SOX6: variants seen among roughly 807,000 people sequenced by gnomAD.
The protein encoded by SOX6 is SRY-box transcription factor 6.
SOX6 carries 11 observed loss-of-function variants against 97.8 expected under a neutral mutation model. The observed-to-expected ratio is 0.11, with a 90% CI of 0.07 to 0.19. SOX6 has a LOEUF of 0.19. Among genes scored for constraint, SOX6 ranks in the 10% least tolerant of loss-of-function variants. SOX6 has a pLI of 1.00. For missense variants in SOX6, 810 were observed against 1,039.5 expected, an observed-to-expected ratio of 0.78 and a Z score of 3.04; for synonymous variants, 360 against 371.4, an observed-to-expected ratio of 0.97 and a Z score of 0.35.
chr11:16,691,062 T>C (rs1848009504), intron 3 of SOX6, among the ~76,000 whole-genome samples: 1 of 152,182 alleles, frequency 6.6e-6, no homozygotes, highest in South Asian at 2.1e-4. Context: ...GTTTTTTTGT[T>C]CTTTGTTTCT....
intron 1 of SOX6, among the ~76,000 whole-genome samples, chr11:16,467,467 T>C (rs903684553): frequency 6.6e-6 from 1 of 152,142 alleles, no homozygotes; most frequent in African/African-American, 2.4e-5. Flanking sequence ...ATAAAAAGAA[T>C]GAGATCATGT....
chr11:16,009,057 A>T (rs1854638355), intron 13 of SOX6, among the ~76,000 whole-genome samples: 1 of 152,008 alleles, frequency 6.6e-6, no homozygotes. Context: ...CCATATGCCC[A>T]CAGCATAGCT....
At chr11:16,567,630 G>A (rs1437559321) in intron 4 of SOX6, among the ~76,000 whole-genome samples, 2 of 143,428 alleles carry the variant, frequency 1.4e-5, no homozygotes, top group Non-Finnish European at 1.5e-5. Context: ...GTGCAGTGGC[G>A]ATCTCTGCTC....
At chr11:16,390,122 T>A (rs1224936452) in intron 1 of SOX6, among the ~76,000 whole-genome samples, 1 of 151,982 alleles carries the variant, frequency 6.6e-6, no homozygotes, top group Non-Finnish European at 1.5e-5. Flanking sequence ...TCGTGGATGG[T>A]TTGGGGATCA....
chr11:16,666,567 A>C (rs1441171248), intron 3 of SOX6, among the ~76,000 whole-genome samples: 1 of 152,208 alleles, frequency 6.6e-6, no homozygotes, highest in East Asian at 1.9e-4. Context: ...GCTCTTTGGA[A>C]GGCCAAGGCA....
At chr11:16,429,166 C>CA (rs1349316386) in intron 1 of SOX6, among the ~76,000 whole-genome samples, 2 of 152,064 alleles carry the variant, frequency 1.3e-5, no homozygotes, top group Admixed American at 1.3e-4. Context: ...ATTAAAAAGT[C>CA]AAAAAATTAC....
intron 10 of SOX6, among the ~76,000 whole-genome samples, chr11:16,050,182 C>G (rs1847651100): frequency 6.6e-6 from 1 of 152,108 alleles, no homozygotes; most frequent in Non-Finnish European, 1.5e-5. Context: ...AAATTAAAAT[C>G]TGAATTAGCT....
chr11:15,986,126 A>T, intron 15 of SOX6, 78 bp downstream of exon 15: 1 of 1,322,462 alleles, frequency 7.6e-7, no homozygotes, highest in Non-Finnish European at 1.1e-6. Flanking sequence ...TCTCCTTCCC[A>T]AACATACTGC....
At chr11:16,445,809 T>C (rs1859600114) in intron 1 of SOX6, among the ~76,000 whole-genome samples, 2 of 152,138 alleles carry the variant, frequency 1.3e-5, no homozygotes, top group South Asian at 4.1e-4. Context: ...TGTATAAAAG[T>C]ATGCCCACAA....
intron 10 of SOX6, among the ~76,000 whole-genome samples, chr11:16,052,363 C>A (rs909653753): frequency 4.6e-5 from 7 of 152,086 alleles, no homozygotes; most frequent in African/African-American, 1.4e-4. Flanking sequence ...ACTATTCTTA[C>A]ATATAAGAGG....
chr11:16,270,654 A>AAACACACAC (rs1854227218), intron 3 of SOX6, among the ~76,000 whole-genome samples: 4 of 149,270 alleles, frequency 2.7e-5, no homozygotes, highest in East Asian at 2.0e-4. Context: ...CACACACACA[A>AAACACACAC]ACACACACAC....
intron 3 of SOX6, among the ~76,000 whole-genome samples, chr11:16,663,534 G>A (rs1847782367): frequency 6.6e-6 from 1 of 152,106 alleles, no homozygotes; most frequent in Non-Finnish European, 1.5e-5. Flanking sequence ...TGTTCCCCAG[G>A]CTGGTCTCAA....
In SOX6 at chr11:16,610,386, C is replaced by A. The variant is rs974183757; in HGVS notation, n.609+1695G>T. 6.6e-6 allele frequency among the ~76,000 whole-genome samples: 1 copy of A among 152,154 alleles called. No individual in the cohort carries two copies. The highest frequency in any genetic ancestry group is 1.5e-5 in the Non-Finnish European group (1 of 68,030). On this transcript the variant is annotated intron_variant and non_coding_transcript_variant, in intron 4 of 5. Transcript: ENST00000524520. The surrounding 1 kb of genome is among the most constrained non-coding windows in gnomAD (Gnocchi z 4.4). The stretch of plus-strand genomic sequence containing the variant: ...ACAAGTTTGGCTTTCCAAATACTAG[C>A]GCGTCCGTCTCTTTAAATCACAGAG...
chr11:16,246,552 T>A lies in SOX6; in HGVS notation c.446-11881A>T, dbSNP rs2134192817. Reference sequence around the variant, plus strand: ...TTGCAATTTTTTTAGGACCTCAAAGTATGTCATTGTGATATCTAACTGAAT... The same window carrying A: ...TTGCAATTTTTTTAGGACCTCAAAGAATGTCATTGTGATATCTAACTGAAT... On this transcript the variant is annotated intron_variant, in intron 3 of 15. Coordinates refer to ENST00000683767, the MANE Select transcript of SOX6 (RefSeq NM_001367873.1). Among the ~76,000 whole-genome samples, 4 of 152,044 alleles carry A rather than the reference T, an allele frequency of 2.6e-5. No homozygotes were observed. In the Middle Eastern group the frequency reaches 0.014, roughly 521 times the overall value.
At chr11:16,441,768 A>G (rs1859506628) in intron 1 of SOX6, among the ~76,000 whole-genome samples, 1 of 152,210 alleles carries the variant, frequency 6.6e-6, no homozygotes, top group Admixed American at 6.5e-5. Flanking sequence ...TCCAGCATAG[A>G]TTTAATCTCC....
chr11:16,029,325 G>T, intron 12 of SOX6, among the ~76,000 whole-genome samples: 1 of 152,308 alleles, frequency 6.6e-6, no homozygotes, highest in Non-Finnish European at 1.5e-5. Flanking sequence ...CCGAGAGACA[G>T]TTCCTTCAGT....
At chr11:16,561,239 T>C (rs1449014283) in intron 4 of SOX6, among the ~76,000 whole-genome samples, 3 of 152,048 alleles carry the variant, frequency 2.0e-5, no homozygotes, top group Non-Finnish European at 4.4e-5. Flanking sequence ...TACAACTAAG[T>C]ATTCCTATCT....
intron 1 of SOX6, among the ~76,000 whole-genome samples, chr11:16,416,696 A>T (rs1003549172): frequency 6.6e-6 from 1 of 152,194 alleles, no homozygotes; most frequent in Non-Finnish European, 1.5e-5. Flanking sequence ...ATACTTTCAC[A>T]AATTCACTCA....
At chr11:16,055,130 A>AGTATGGATC (rs1847781484) in intron 10 of SOX6, among the ~76,000 whole-genome samples, 1 of 152,198 alleles carries the variant, frequency 6.6e-6, no homozygotes, top group South Asian at 2.1e-4. Context: ...TTAAGGATAC[A>AGTATGGATC]GTATGGATCA....
Sources: gnomAD v4.1 joint callset for allele counts (sites outside exome capture counted in the v4.1 genomes callset) on GRCh38, gnomAD v4.1.1 for gene constraint, Gnocchi (gnomAD v3.1) non-coding constraint, MANE v1.5 for transcripts, NCBI Gene and HGNC (gene_info 2026-07-23, HGNC 2026-07-21) for gene names.